Variants in PTPRD observed in about 807,000 individuals in gnomAD.
PTPRD encodes protein tyrosine phosphatase receptor type D.
In PTPRD, 34 loss-of-function variants were observed where a neutral mutation model predicts 214.5. The ratio of observed to expected loss-of-function variants is 0.16; its 90% CI spans 0.12 to 0.21. The LOEUF is 0.21. Among genes scored for constraint, PTPRD ranks in the 10% least tolerant of loss-of-function variants. The probability of loss-of-function intolerance (pLI) is 1.00; values close to 1 mark genes in which losing one functional copy is unlikely to be tolerated. For missense variants in PTPRD, 2,545 were observed against 2,398.7 expected (o/e 1.06, Z -1.27); for synonymous variants, 1,128 against 845.7 (o/e 1.33, Z -5.79).
intron 3 of PTPRD, among the ~76,000 whole-genome samples, chr9:10,324,732 T>C (rs1200484629): frequency 2.0e-5 from 3 of 152,060 alleles, no homozygotes; most frequent in African/African-American, 7.2e-5. Context: ...AGTCTTTTTG[T>C]ATAACCATTA....
At chr9:9,623,627 A>T (rs542891149) in intron 7 of PTPRD, among the ~76,000 whole-genome samples, 1 of 152,134 alleles carries the variant, frequency 6.6e-6, no homozygotes, top group East Asian at 1.9e-4. Context: ...ATGATACAAC[A>T]ATCAATTACA....
chr9:9,148,657 T>C (rs1163001402), intron 10 of PTPRD, among the ~76,000 whole-genome samples: 2 of 152,128 alleles, frequency 1.3e-5, no homozygotes, highest in East Asian at 1.9e-4. Context: ...AAATAAAATA[T>C]AATAGAATAA....
intron 8 of PTPRD, among the ~76,000 whole-genome samples, chr9:9,474,358 T>C (rs992055888): frequency 1.3e-5 from 2 of 152,118 alleles, no homozygotes; most frequent in Admixed American, 6.5e-5. Context: ...TTATGATAGC[T>C]TTATAGTACA....
At chr9:8,732,764 G>A (rs567830695) in intron 12 of PTPRD, among the ~76,000 whole-genome samples, 1 of 152,098 alleles carries the variant, frequency 6.6e-6, no homozygotes, top group African/African-American at 2.4e-5. Context: ...GCAATTGGTG[G>A]CTCGTGAGGG....
chr9:9,959,154 T>A (rs1215682324), intron 4 of PTPRD, among the ~76,000 whole-genome samples: 2 of 152,120 alleles, frequency 1.3e-5, no homozygotes, highest in Non-Finnish European at 1.5e-5. Flanking sequence ...TATAATAAAA[T>A]ATTATTCAGC....
At chr9:10,515,288 T>A (rs2049675869) in intron 2 of PTPRD, among the ~76,000 whole-genome samples, 1 of 151,962 alleles carries the variant, frequency 6.6e-6, no homozygotes, top group Admixed American at 6.6e-5. Flanking sequence ...AATATAAATT[T>A]TTTATGCTCC....
intron 5 of PTPRD, among the ~76,000 whole-genome samples, chr9:9,771,267 T>C (rs990692238): frequency 6.6e-6 from 1 of 152,194 alleles, no homozygotes; most frequent in Non-Finnish European, 1.5e-5. Context: ...TTCTCATCAC[T>C]GTCTATTTCT....
rs148937562 is a variant in PTPRD, at chr9:8,931,853, G to A, written c.-104+86844C>T. On this transcript the variant is annotated intron_variant, in intron 11 of 45. Coordinates refer to ENST00000381196, the MANE Select transcript of PTPRD (RefSeq NM_002839.4). ...GCCTCAATTTCAGAACTTGTTATTG[G>A]CTTATTCAGGGATTCGACTTCTTCT... is the stretch of plus-strand genomic sequence containing the variant. Among the ~76,000 whole-genome samples the A allele has an allele frequency of 2.9e-3, 448 of 152,166 alleles. 4 individuals are homozygous for A. Among genetic ancestry groups the A allele is most frequent in the African/African-American group, 0.01 (427 of 41,510 alleles).
At chr9:9,844,030 G>T (rs762106564) in intron 5 of PTPRD, among the ~76,000 whole-genome samples, 1 of 151,898 alleles carries the variant, frequency 6.6e-6, no homozygotes, top group African/African-American at 2.4e-5. Flanking sequence ...TAGTTCCAGT[G>T]CCATAGGCTT....
At chr9:10,091,514 G>A (rs142278253) in intron 3 of PTPRD, among the ~76,000 whole-genome samples, 8 of 151,370 alleles carry the variant, frequency 5.3e-5, no homozygotes, top group African/African-American at 1.9e-4. Flanking sequence ...TCCTAAAATA[G>A]AAATTTTAAA....
chr9:10,036,880 A>C (rs1022618817), intron 3 of PTPRD, among the ~76,000 whole-genome samples: 1 of 113,502 alleles, frequency 8.8e-6, no homozygotes, highest in Non-Finnish European at 1.6e-5. Context: ...AATTTTTATT[A>C]TTTATTTATT....
intron 2 of PTPRD, among the ~76,000 whole-genome samples, chr9:10,388,102 T>C (rs1185078929): frequency 6.6e-6 from 1 of 151,704 alleles, no homozygotes; most frequent in Non-Finnish European, 1.5e-5. Context: ...ACATGATAAA[T>C]ACCATTTCTC....
intron 10 of PTPRD, among the ~76,000 whole-genome samples, chr9:9,054,194 T>G (rs373941859): frequency 6.6e-6 from 1 of 152,168 alleles, no homozygotes; most frequent in African/African-American, 2.4e-5. Context: ...CTCAACCATC[T>G]CAATTTTACA....
At chr9:9,804,343 C>G (rs2099060210) in intron 5 of PTPRD, among the ~76,000 whole-genome samples, 1 of 151,972 alleles carries the variant, frequency 6.6e-6, no homozygotes, top group Admixed American at 6.6e-5. Flanking sequence ...AAATATGGAT[C>G]CAGCCACTGA....
At chr9:10,351,432 TG>T (rs2097180620) in intron 2 of PTPRD, among the ~76,000 whole-genome samples, 1 of 152,060 alleles carries the variant, frequency 6.6e-6, no homozygotes, top group African/African-American at 2.4e-5. Context: ...ACATCTTCTT[TG>T]TAGAAAAGGG....
intron 23 of PTPRD, among the ~76,000 whole-genome samples, chr9:8,502,848 G>GTGTATATATATATATATATATATATATA (rs1554658829): frequency 3.4e-5 from 5 of 147,114 alleles, no homozygotes; most frequent in African/African-American, 1.0e-4. Context: ...ATGTGTGTGT[G>GTGTATATATATATATATATATATATATA]TATATATATA....
chr9:10,331,722 T>C (rs147297683), intron 3 of PTPRD, among the ~76,000 whole-genome samples: 344 of 152,010 alleles, frequency 2.3e-3, no homozygotes, highest in Admixed American at 4.0e-3. Flanking sequence ...ACAAACTGTT[T>C]GAAATTTTGT....
chr9:9,634,183 G>A (rs2154361471), intron 7 of PTPRD, among the ~76,000 whole-genome samples: 1 of 152,170 alleles, frequency 6.6e-6, no homozygotes, highest in East Asian at 1.9e-4. Context: ...ATTAACATAT[G>A]CCAAAACTCT....
At chr9:8,331,416 C>CCTCTGA (rs1840870206) in intron 44 of PTPRD, among the ~76,000 whole-genome samples, 166 bp downstream of exon 44, 1 of 47,282 alleles carries the variant, frequency 2.1e-5, no homozygotes, top group Non-Finnish European at 3.1e-5. Context: ...ATTATTTTCA[C>CCTCTGA]TTATTTTCAC....
Sources: allele counts gnomAD v4.1 joint callset (sites outside exome capture counted in the v4.1 genomes callset), GRCh38; gene constraint gnomAD v4.1.1; transcripts MANE v1.5; gene names NCBI Gene and HGNC (gene_info 2026-07-23, HGNC 2026-07-21).